IKBKB-DT: variants seen among roughly 807,000 people sequenced by gnomAD.
The protein encoded by IKBKB-DT is IKBKB antisense RNA.
chr8:42,254,125 A>C (rs899019654), intron 3 of IKBKB-DT, among the ~76,000 whole-genome samples: 1 of 152,190 alleles, frequency 6.6e-6, no homozygotes, highest in Non-Finnish European at 1.5e-5. Flanking sequence ...TCTTTGAATA[A>C]ATTTTGCTTC....
chr8:42,233,954 G>A (rs1320621268), intron 3 of IKBKB-DT: 1 of 152,134 alleles, frequency 6.6e-6, no homozygotes, highest in East Asian at 1.9e-4. Flanking sequence ...CTGATCTTAG[G>A]AGCCATTTAG....
At chr8:42,250,022 GAGAA>G (rs1055343431) in intron 3 of IKBKB-DT, among the ~76,000 whole-genome samples, 5 of 152,310 alleles carry the variant, frequency 3.3e-5, no homozygotes, top group Admixed American at 3.3e-4. Context: ...AATTGCAGTG[GAGAA>G]AGAGTTTAAT....
chr8:42,266,959 C>T (rs370582575), intron 1 of IKBKB-DT, among the ~76,000 whole-genome samples: 1 of 151,574 alleles, frequency 6.6e-6, no homozygotes, highest in Non-Finnish European at 1.5e-5. Context: ...AAGGAGTAGC[C>T]GTTCTGTTAT....
intron 1 of IKBKB-DT, among the ~76,000 whole-genome samples, chr8:42,268,026 A>G (rs1209358958): frequency 6.6e-6 from 1 of 152,176 alleles, no homozygotes; most frequent in Non-Finnish European, 1.5e-5. Context: ...TAAGTTTCTC[A>G]GGACAGTGTT....
chr8:42,271,236 A>G, exon 1 of IKBKB-DT: 2 of 664,368 alleles, frequency 3.0e-6, no homozygotes, highest in Non-Finnish European at 5.5e-6. Context: ...CACTCGCAGC[A>G]TCCGGACCTG....
rs546875119 is a variant in IKBKB-DT at position 42,268,282 on chromosome 8, G to A, written n.604-1886C>T. On this transcript the variant is annotated intron_variant and non_coding_transcript_variant, in intron 1 of 3. Transcript: ENST00000518213. ...CCCGAGTAGCTTGGATTACAGGCAC[G>A]TGCCACCACGCCCAGCTAATTTTTT... 8.5e-4 allele frequency among the ~76,000 whole-genome samples: 127 copies of A among 149,782 alleles called. No homozygotes were observed. The East Asian group carries it at 0.024, about 29-fold the overall frequency.
chr8:42,253,134 A>C (rs1410529878), intron 3 of IKBKB-DT, among the ~76,000 whole-genome samples: 2 of 152,238 alleles, frequency 1.3e-5, no homozygotes, highest in Admixed American at 1.3e-4. Context: ...AAGGGCAGCC[A>C]CTATAAGACT....
intron 2 of IKBKB-DT, chr8:42,265,590 A>T (rs1807358809): frequency 6.6e-6 from 1 of 152,210 alleles, no homozygotes; most frequent in African/African-American, 2.4e-5. Context: ...AGGAGCTCAG[A>T]ACCAAGGTAA....
At chr8:42,240,085 CT>C (rs1806980406) in intron 3 of IKBKB-DT, among the ~76,000 whole-genome samples, 1 of 152,110 alleles carries the variant, frequency 6.6e-6, no homozygotes, top group Non-Finnish European at 1.5e-5. Context: ...TAACAGAATA[CT>C]TAAATTTGCT....
At position 42,263,981 on chromosome 8, in the gene IKBKB-DT, T is replaced by G. The variant is rs979609102; in HGVS notation, n.1386-509A>C. Reference sequence around the variant, plus strand: ...CGCCCACCACTATGCCTGGATAATTTTTGTATTTTTAGTAGAGATGGGGTT... The same window carrying G: ...CGCCCACCACTATGCCTGGATAATTGTTGTATTTTTAGTAGAGATGGGGTT... On this transcript the variant is annotated intron_variant and non_coding_transcript_variant, in intron 2 of 3. Transcript: ENST00000518213. Among the ~76,000 whole-genome samples, 3 of 151,984 alleles carry G rather than the reference T, an allele frequency of 2.0e-5. No homozygotes were observed. In the East Asian group the frequency reaches 5.8e-4, roughly 29 times the overall value.
intron 3 of IKBKB-DT, among the ~76,000 whole-genome samples, chr8:42,241,975 AG>A (rs1807010250): frequency 6.6e-6 from 1 of 152,186 alleles, no homozygotes; most frequent in African/African-American, 2.4e-5. Flanking sequence ...ACAGTTTGGG[AG>A]GCCGAAGCGG....
chr8:42,241,289 A>C (rs1457443692), intron 3 of IKBKB-DT, among the ~76,000 whole-genome samples: 1 of 123,356 alleles, frequency 8.1e-6, no homozygotes, highest in African/African-American at 3.1e-5. Context: ...CCAGTTGAAA[A>C]TCTGTGGCCC....
At chr8:42,270,706 T>A (rs145838411) in exon 1 of IKBKB-DT, 1 of 152,360 alleles carries the variant, frequency 6.6e-6, no homozygotes, top group African/African-American at 2.4e-5. Flanking sequence ...AGTGAGGACA[T>A]TCTGATTCCA....
chr8:42,258,488 G>T (rs968100931), intron 3 of IKBKB-DT, among the ~76,000 whole-genome samples: 1 of 148,616 alleles, frequency 6.7e-6, no homozygotes, highest in Non-Finnish European at 1.5e-5. Context: ...TTTTTGAGAC[G>T]GAGTCTCACT....
chr8:42,236,553 GTTGGAGT>G (rs1806923929), intron 3 of IKBKB-DT, among the ~76,000 whole-genome samples: 1 of 152,176 alleles, frequency 6.6e-6, no homozygotes, highest in Admixed American at 6.5e-5. Flanking sequence ...ATCACCTGAG[GTTGGAGT>G]TTGAGACCAG....
intron 3 of IKBKB-DT, among the ~76,000 whole-genome samples, chr8:42,239,298 G>A (rs1206808992): frequency 6.6e-6 from 1 of 151,894 alleles, no homozygotes; most frequent in Non-Finnish European, 1.5e-5. Flanking sequence ...AAGCCCAACA[G>A]CATGGCCCTC....
chr8:42,245,962 T>C (rs1229664920), intron 3 of IKBKB-DT, among the ~76,000 whole-genome samples: 1 of 152,254 alleles, frequency 6.6e-6, no homozygotes, highest in African/African-American at 2.4e-5. Flanking sequence ...TAAGAAGTGA[T>C]ACATCAATCC....
At chr8:42,255,164 G>A (rs140338184) in intron 3 of IKBKB-DT, among the ~76,000 whole-genome samples, 218 of 150,590 alleles carry the variant, frequency 1.4e-3, no homozygotes, top group South Asian at 3.4e-3. Flanking sequence ...CCCAGCCGTC[G>A]CCCCATCTGG....
exon 2 of IKBKB-DT, among the ~76,000 whole-genome samples, chr8:42,265,862 C>T (rs1308970220): frequency 1.5e-5 from 2 of 135,284 alleles, no homozygotes; most frequent in African/African-American, 7.8e-5. Flanking sequence ...TGAGGCACAA[C>T]AGCCGGCTGG....
Sources: allele counts gnomAD v4.1 joint callset (sites outside exome capture counted in the v4.1 genomes callset), GRCh38; gene constraint gnomAD v4.1.1; transcripts MANE v1.5; gene names NCBI Gene and HGNC (gene_info 2026-07-23, HGNC 2026-07-21).